The following ANO6 variants were observed in gnomAD, a reference collection of about 807,000 sequenced individuals.
ANO6 encodes anoctamin-6.
Under a neutral mutation model 117.5 loss-of-function variants are expected in ANO6, and 106 were observed. The observed-to-expected ratio is 0.90, with a 90% confidence interval of 0.77 to 1.06. The LOEUF is 1.06. ANO6 is among the 50% of genes least tolerant of loss of function. ANO6 has a pLI of 0.00. For missense variants in ANO6, 955 were observed against 1,121.1 expected (o/e 0.85, Z 2.12); for synonymous variants, 367 against 385.1 (o/e 0.95, Z 0.55).
chr12:45,269,017 T>G (rs957808766), intron 1 of ANO6, among the ~76,000 whole-genome samples: 12 of 152,196 alleles, frequency 7.9e-5, no homozygotes, highest in Admixed American at 1.3e-4. Context: ...GCCTGGCCGC[T>G]CATTGGATTT....
At chr12:45,437,826 C>T (rs1191113613) in intron 19 of ANO6, among the ~76,000 whole-genome samples, 4 of 152,208 alleles carry the variant, frequency 2.6e-5, no homozygotes, top group Admixed American at 2.6e-4. Context: ...CACCTTGCCT[C>T]CCAAAGTGTT....
At chr12:45,283,031 A>C (rs989191500) in intron 1 of ANO6, among the ~76,000 whole-genome samples, 4 of 152,214 alleles carry the variant, frequency 2.6e-5, no homozygotes, top group African/African-American at 9.6e-5. Flanking sequence ...AAGTAGAAGC[A>C]TACTATTCTA....
chr12:45,231,507 T>C (rs1241474336), intron 1 of ANO6, among the ~76,000 whole-genome samples: 1 of 152,214 alleles, frequency 6.6e-6, no homozygotes, highest in African/African-American at 2.4e-5. Context: ...AGGCTGTTTT[T>C]ATCCCCAAAT....
intron 10 of ANO6, among the ~76,000 whole-genome samples, chr12:45,385,285 G>T (rs981287034): frequency 3.9e-5 from 6 of 152,138 alleles, no homozygotes; most frequent in East Asian, 3.9e-4. Context: ...GGAATAAAAT[G>T]GGCCCTTTCT....
chr12:45,353,711 G>T (rs1941340982), intron 7 of ANO6, among the ~76,000 whole-genome samples: 1 of 152,050 alleles, frequency 6.6e-6, no homozygotes, highest in Non-Finnish European at 1.5e-5. Context: ...CAGCAACCTA[G>T]GGGAACCAGA....
At chr12:45,356,181 C>T (rs944773290) in intron 7 of ANO6, among the ~76,000 whole-genome samples, 1 of 152,124 alleles carries the variant, frequency 6.6e-6, no homozygotes, top group Non-Finnish European at 1.5e-5. Flanking sequence ...TACCATTAAC[C>T]AGTTTTTAAA....
intron 19 of ANO6, among the ~76,000 whole-genome samples, chr12:45,424,679 TG>T (rs1943456032): frequency 6.6e-6 from 1 of 152,026 alleles, no homozygotes; most frequent in Non-Finnish European, 1.5e-5. Context: ...TAAGCACTCT[TG>T]TAGTGCTGGA....
intron 1 of ANO6, among the ~76,000 whole-genome samples, chr12:45,262,612 C>T (rs1938077574): frequency 6.6e-6 from 1 of 152,054 alleles, no homozygotes; most frequent in South Asian, 2.1e-4. Flanking sequence ...TTAGTAGAGA[C>T]AGGGTTTCTC....
At position 45,270,761 on chromosome 12, in the gene ANO6, AT is replaced by A. The variant is rs35709283; in HGVS notation, c.71-31243del. Among the ~76,000 whole-genome samples the A allele has an allele frequency of 2.1e-3, 309 of 150,484 alleles. 3 individuals are homozygous for A. The highest frequency in any genetic ancestry group is 1.9e-3 in the Non-Finnish European group (131 of 67,398). ...AAAAGAACTTCAGAAAGCAAAAGTT[AT>A]TTTTTTTTTGAGACAGTCTCACTCC... On this transcript the variant is annotated intron_variant, in intron 1 of 19. Coordinates refer to ENST00000320560, the MANE Select transcript of ANO6 (RefSeq NM_001025356.3).
At chr12:45,310,277 C>T (rs2137329595) in intron 2 of ANO6, among the ~76,000 whole-genome samples, 1 of 152,178 alleles carries the variant, frequency 6.6e-6, no homozygotes, top group East Asian at 1.9e-4. Context: ...CCCAGCCAGA[C>T]AAGACCTGCT....
At chr12:45,358,283 T>C (rs974394356) in intron 8 of ANO6, among the ~76,000 whole-genome samples, 1 of 152,222 alleles carries the variant, frequency 6.6e-6, no homozygotes. Context: ...TAGACATAAT[T>C]ACGCTTCGAT....
At chr12:45,252,650 G>A (rs1201512352) in intron 1 of ANO6, among the ~76,000 whole-genome samples, 1 of 152,186 alleles carries the variant, frequency 6.6e-6, no homozygotes, top group Non-Finnish European at 1.5e-5. Flanking sequence ...GGTCTGTAAA[G>A]CATTGTATTG....
At chr12:45,285,213 C>G (rs1938869445) in intron 1 of ANO6, among the ~76,000 whole-genome samples, 1 of 152,164 alleles carries the variant, frequency 6.6e-6, no homozygotes, top group South Asian at 2.1e-4. Flanking sequence ...AAGAGCTTCC[C>G]AATTTGAAGG....
In ANO6 at chr12:45,415,754, C is replaced by T. The variant is rs969531811; in HGVS notation, c.2012-945C>T. On this transcript the variant is annotated intron_variant, in intron 16 of 19. Transcript: ENST00000320560. Reference sequence around the variant, plus strand: ...AAGCAAATGCCAGCTCTGCTTGCCTCGCCACACCCTCCACAGCCTTGCCCT... The same window carrying T: ...AAGCAAATGCCAGCTCTGCTTGCCTTGCCACACCCTCCACAGCCTTGCCCT... Among the ~76,000 whole-genome samples the T allele has an allele frequency of 3.9e-5, 6 of 152,164 alleles. No homozygotes were observed. The East Asian group carries it at 5.8e-4, about 15-fold the overall frequency.
chr12:45,347,938 A>G lies in ANO6; in HGVS notation c.346-90A>G, dbSNP rs1383853939. Reference sequence around the variant, plus strand: ...TGGTGGTCTCTGTATTGTTTTTTTAAAGCTACCAACAACATAAGAAAAATC... The same window carrying G: ...TGGTGGTCTCTGTATTGTTTTTTTAGAGCTACCAACAACATAAGAAAAATC... On this transcript the variant is annotated intron_variant, in intron 4 of 19. Coordinates refer to ENST00000320560, the MANE Select transcript of ANO6 (RefSeq NM_001025356.3). 4.6e-6 allele frequency: 6 copies of G among 1,290,430 alleles called. No individual in the cohort carries two copies. The Middle Eastern group carries it at 6.6e-4, about 142-fold the overall frequency. 79.9% of individuals were successfully genotyped at this position (1,290,430 alleles called of 1,614,324 possible). A position where few individuals can be genotyped will look rare whatever the true frequency, so the allele number is the denominator to read the frequency against.
chr12:45,366,330 TCTC>T (rs1941685177), intron 8 of ANO6, among the ~76,000 whole-genome samples: 1 of 152,096 alleles, frequency 6.6e-6, no homozygotes, highest in African/African-American at 2.4e-5. Flanking sequence ...TTTATGCAAT[TCTC>T]CTTACTCTGA....
chr12:45,393,161 T>A (rs1330471348), intron 12 of ANO6, among the ~76,000 whole-genome samples: 1 of 152,200 alleles, frequency 6.6e-6, no homozygotes, highest in Non-Finnish European at 1.5e-5. Context: ...AATGACCTGA[T>A]GGAGCTGAAA....
chr12:45,428,999 A>G, intron 19 of ANO6, 106 bp from the exon 20 acceptor site: 3 of 1,403,840 alleles, frequency 2.1e-6, no homozygotes, highest in Non-Finnish European at 2.9e-6. Flanking sequence ...TAAAATGTCC[A>G]CTGCCTTGTC....
intron 1 of ANO6, among the ~76,000 whole-genome samples, chr12:45,296,471 C>T (rs778733045): frequency 1.3e-5 from 2 of 152,148 alleles, no homozygotes; most frequent in Non-Finnish European, 2.9e-5. Context: ...TGGAGCTTTC[C>T]CATTAGTTCT....
Sources: allele counts gnomAD v4.1 joint callset (sites outside exome capture counted in the v4.1 genomes callset), GRCh38; gene constraint gnomAD v4.1.1; transcripts MANE v1.5; gene names NCBI Gene and HGNC (gene_info 2026-07-23, HGNC 2026-07-21).